ZNF140: variants seen among roughly 807,000 people sequenced by gnomAD.
ZNF140 encodes zinc finger protein 140 (clone pHZ-39).
A neutral mutation model predicts 12.9 loss-of-function variants in ZNF140; 13 were observed. The ratio of observed to expected loss-of-function variants is 1.01; its 90% CI spans 0.66 to 1.60. The LOEUF is 1.60. ZNF140 is among the 40% of genes most tolerant of loss of function. The pLI is 0.00. For missense variants in ZNF140, 531 were observed against 548.8 expected (o/e 0.97, Z 0.32); for synonymous variants, 214 against 186.7 (o/e 1.15, Z -1.19).
Position 133,105,942 on chromosome 12 carries a change from G to A in ZNF140, c.665G>A (p.Cys222Tyr). ...AAGAAACCCCATGAGTGTAAGGACT[G>A]TAATAAAACATTCAGTTACCTTTCA... The part of the protein sequence containing the change: ...TGKKPHECKD[C>Y]NKTFSYLSFL... The change falls in exon 5 of 5, where the codon TGT becomes TAT. Residue 222 changes from cysteine (C) to tyrosine (Y), a missense_variant. Physicochemically the swap from Cys to Tyr is radical, Grantham distance 194. Coordinates refer to ENST00000355557, the MANE Select transcript of ZNF140 (RefSeq NM_003440.4). 1 of 1,614,124 alleles carries A rather than the reference G, an allele frequency of 6.2e-7. No individual in the cohort carries two copies. Among genetic ancestry groups the A allele is most frequent in the Admixed American group, 1.7e-5 (1 of 60,022 alleles).
chr12:133,084,404 T>C (rs61953758), intron 4 of ZNF140, among the ~76,000 whole-genome samples: 19,871 of 152,218 alleles, frequency 0.13, 1,659 homozygotes, highest in South Asian at 0.22. Context: ...TTCTATTAAG[T>C]GCTACAGAGA....
intron 4 of ZNF140, chr12:133,093,517 A>C (rs1386932629): frequency 8.6e-6 from 6 of 697,424 alleles, no homozygotes; most frequent in East Asian, 8.1e-5. Context: ...TAAGTATCCA[A>C]ACTGGAAGCT....
intron 4 of ZNF140, among the ~76,000 whole-genome samples, chr12:133,090,307 T>A (rs767443358): frequency 2.2e-4 from 33 of 152,038 alleles, no homozygotes; most frequent in African/African-American, 5.3e-4. Flanking sequence ...CCTGACTAAA[T>A]ATTTTATTTT....
chr12:133,080,747 C>A (rs1168959442), upstream of ZNF140: 1 of 152,374 alleles, frequency 6.6e-6, no homozygotes, highest in African/African-American at 2.4e-5. Context: ...GGCACGGCAG[C>A]GAGGCGCTCT....
At chr12:133,087,897 G>A (rs1359504735) in intron 4 of ZNF140, among the ~76,000 whole-genome samples, 4 of 152,090 alleles carry the variant, frequency 2.6e-5, no homozygotes, top group Admixed American at 1.3e-4. Flanking sequence ...TTGGGAGGCC[G>A]AGGTGGGCAG....
intron 4 of ZNF140, among the ~76,000 whole-genome samples, chr12:133,096,508 A>G (rs1344989724): frequency 3.3e-5 from 5 of 152,182 alleles, no homozygotes; most frequent in Admixed American, 1.3e-4. Flanking sequence ...TATTAATTCA[A>G]TGCTATAAAT....
At chr12:133,104,333 TA>T (rs1319027014) in intron 4 of ZNF140, among the ~76,000 whole-genome samples, 1 of 149,582 alleles carries the variant, frequency 6.7e-6, no homozygotes, top group Non-Finnish European at 1.5e-5. Flanking sequence ...GATTTCCTAA[TA>T]AGAATTTCCT....
rs769885918 is a variant in ZNF140 at position 133,106,431 on chromosome 12, AT to A, written c.1155del (p.Tyr385Ter). 6.2e-7 allele frequency: 1 copy of A among 1,613,986 alleles called. No individual in the cohort carries two copies. The highest frequency in any genetic ancestry group is 8.5e-7 in the Non-Finnish European group (1 of 1,180,026). ...HTKSHTGEKP[Y>X]ACAECDKAFS... ...AAGAGTCACACTGGAGAGAAACCCT[AT>A]GCGTGTGCTGAATGTGATAAAGCCT... On this transcript the variant is annotated frameshift_variant, in exon 5 of 5. Coordinates refer to ENST00000355557, the MANE Select transcript of ZNF140 (RefSeq NM_003440.4). LOFTEE classifies it low-confidence loss of function (END_TRUNC).
chr12:133,105,697 A>G lies in ZNF140; in HGVS notation c.420A>G (p.Val140=), dbSNP rs1955566442. Residue 140 remains valine (V), a synonymous_variant, in exon 5 of 5, where the codon GTA becomes GTG. Coordinates refer to ENST00000355557, the MANE Select transcript of ZNF140 (RefSeq NM_003440.4). ...LQENQGCIRK[V]TVSHQEALAQ... is the part of the protein sequence containing the mutation. Reference sequence around the variant, plus strand: ...AAAATCAGGGATGTATTAGGAAAGTAACAGTCTCTCATCAAGAAGCCCTGG... The same window carrying G: ...AAAATCAGGGATGTATTAGGAAAGTGACAGTCTCTCATCAAGAAGCCCTGG... 1.2e-6 allele frequency: 2 copies of G among 1,614,204 alleles called. No individual in the cohort carries two copies. Among genetic ancestry groups the G allele is most frequent in the South Asian group, 2.2e-5 (2 of 91,084 alleles).
chr12:133,084,165 T>G (rs1015717064), intron 4 of ZNF140: 6 of 441,416 alleles, frequency 1.4e-5, no homozygotes, highest in Non-Finnish European at 2.2e-5. Flanking sequence ...GAATTTCATT[T>G]CTTTTTGTTT....
intron 4 of ZNF140, among the ~76,000 whole-genome samples, chr12:133,102,620 G>A (rs1955386736): frequency 6.6e-6 from 1 of 152,122 alleles, no homozygotes; most frequent in Admixed American, 6.5e-5. Flanking sequence ...GTGGCAGCGT[G>A]TGCCTGTAGT....
rs1312068734 is a variant in ZNF140, at chr12:133,106,384, T to C, written c.1107T>C (p.His369=). The stretch of plus-strand genomic sequence containing the variant: ...AATGTGGTAAAGTTTTCACTTGGCA[T>C]GCATCCCTTATTCAACATACGAAGA... ...CDECGKVFTW[H]ASLIQHTKSH... is the part of the protein sequence containing the mutation. Residue 369 remains histidine (H), a synonymous_variant, in exon 5 of 5, where the codon CAT becomes CAC. Coordinates refer to ENST00000355557, the MANE Select transcript of ZNF140 (RefSeq NM_003440.4). 14 of 1,614,188 alleles carry C rather than the reference T, an allele frequency of 8.7e-6. No individual in the cohort carries two copies. The East Asian group carries it at 2.9e-4, about 33-fold the overall frequency.
At chr12:133,084,099 C>G (rs1954594379) in intron 4 of ZNF140, 1 of 413,590 alleles carries the variant, frequency 2.4e-6, no homozygotes, top group Non-Finnish European at 4.6e-6. Flanking sequence ...CTTATACTTT[C>G]TTTTCTTTCT....
At chr12:133,096,170 C>G (rs953750342) in intron 4 of ZNF140, among the ~76,000 whole-genome samples, 1 of 140,580 alleles carries the variant, frequency 7.1e-6, no homozygotes, top group Non-Finnish European at 1.6e-5. Flanking sequence ...CTGTGGCTTT[C>G]TGCAGTGCAT....
Position 133,106,244 on chromosome 12 carries a change from C to T in ZNF140, c.967C>T (p.His323Tyr). The change falls in exon 5 of 5, where the codon CAT becomes TAT. Residue 323 changes from histidine to tyrosine, a missense_variant. Transcript: ENST00000355557. ...FSHLTRHQSI[H>Y]TTKTPYECNE... ...ACACCTTACTCGACATCAGAGCATCCATACAACCAAAACCCCGTATGAATG... is the reference window on the plus strand; with the variant it reads ...ACACCTTACTCGACATCAGAGCATCTATACAACCAAAACCCCGTATGAATG... 2 of 1,614,198 alleles carry T rather than the reference C, an allele frequency of 1.2e-6. No homozygotes were observed. The highest frequency in any genetic ancestry group is 1.7e-6 in the Non-Finnish European group (2 of 1,180,030).
At chr12:133,081,159 C>G (rs981201680) in intron 1 of ZNF140, 87 bp downstream of exon 1, 34 of 335,144 alleles carry the variant, frequency 1.0e-4, no homozygotes, top group African/African-American at 7.4e-4. Flanking sequence ...GCGCCCTGCT[C>G]TCTACGTGGG....
At chr12:133,103,865 T>C (rs1343639339) in intron 4 of ZNF140, among the ~76,000 whole-genome samples, 2 of 152,178 alleles carry the variant, frequency 1.3e-5, no homozygotes, top group Non-Finnish European at 2.9e-5. Flanking sequence ...AGATACAGAA[T>C]TGGTTTAAAG....
intron 4 of ZNF140, among the ~76,000 whole-genome samples, chr12:133,091,159 C>T (rs1954868502): frequency 6.7e-6 from 1 of 150,066 alleles, no homozygotes; most frequent in Non-Finnish European, 1.5e-5. Context: ...TCCCACGAGG[C>T]CATATTTCAG....
At chr12:133,082,912 C>G (rs1265148844) in intron 2 of ZNF140, 191 bp from the exon 3 acceptor site, 1 of 693,794 alleles carries the variant, frequency 1.4e-6, no homozygotes, top group African/African-American at 1.8e-5. Context: ...TGTTTTTCTC[C>G]TTTTCTCCAG....
Sources: allele counts gnomAD v4.1 joint callset (sites outside exome capture counted in the v4.1 genomes callset), GRCh38; gene constraint gnomAD v4.1.1; transcripts MANE v1.5; gene names NCBI Gene and HGNC (gene_info 2026-07-23, HGNC 2026-07-21).